Variants in CWC22 observed in about 807,000 individuals in gnomAD.
CWC22 encodes CWC22 spliceosome associated protein, also known as pre-mRNA-splicing factor CWC22 homolog.
A neutral mutation model predicts 117.2 loss-of-function variants in CWC22; 53 were observed. The observed-to-expected ratio is 0.45, with a 90% CI of 0.36 to 0.57. The LOEUF (loss-of-function observed/expected upper bound fraction) is 0.57, where lower values mean the gene tolerates loss of function less well. Ranked by LOEUF, CWC22 falls within the 20% of genes least tolerant of loss-of-function variation. The pLI is 0.00. For synonymous variants in CWC22, 360 were observed against 355.6 expected (o/e 1.01, Z -0.14); for missense variants, 980 against 1,068.8 (o/e 0.92, Z 1.16).
chr2:179,979,235 G>A (rs565731265), intron 5 of CWC22, among the ~76,000 whole-genome samples: 2 of 151,790 alleles, frequency 1.3e-5, no homozygotes, highest in South Asian at 4.2e-4. Context: ...TGAAACATGA[G>A]AAGAACAAAA....
chr2:179,954,919 T>C, intron 15 of CWC22, 38 bp downstream of exon 15: 1 of 1,140,876 alleles, frequency 8.8e-7, no homozygotes, highest in Non-Finnish European at 1.3e-6. Flanking sequence ...TTTACAATAT[T>C]CGTTTTAAGA....
chr2:179,965,564 G>A (rs557815738), intron 12 of CWC22, among the ~76,000 whole-genome samples: 1 of 152,280 alleles, frequency 6.6e-6, no homozygotes, highest in African/African-American at 2.4e-5. Flanking sequence ...GTTTTTCATT[G>A]TCTAGAATAT....
At chr2:179,960,291 C>T (rs1035049536) in intron 13 of CWC22, among the ~76,000 whole-genome samples, 1 of 151,898 alleles carries the variant, frequency 6.6e-6, no homozygotes, top group Non-Finnish European at 1.5e-5. Context: ...TCAAAGAGTG[C>T]TTCCCAATGC....
At chr2:179,956,864 T>G (rs561694114) in intron 14 of CWC22, among the ~76,000 whole-genome samples, 2 of 151,996 alleles carry the variant, frequency 1.3e-5, no homozygotes, top group East Asian at 3.8e-4. Flanking sequence ...AATATGCTGA[T>G]AGCACTGCTA....
At chr2:179,950,453 T>G in intron 19 of CWC22, 59 bp downstream of exon 19, 1 of 1,015,496 alleles carries the variant, frequency 9.8e-7, no homozygotes, top group Non-Finnish European at 1.5e-6. Flanking sequence ...TTCCTTCATA[T>G]ATATCAGCAA....
intron 4 of CWC22, among the ~76,000 whole-genome samples, chr2:179,982,697 C>T (rs1485251123): frequency 6.6e-6 from 1 of 152,188 alleles, no homozygotes; most frequent in Non-Finnish European, 1.5e-5. Context: ...AATGTCTTCC[C>T]TACTAACGTA....
chr2:179,971,252 A>G (rs1452792931), intron 8 of CWC22, among the ~76,000 whole-genome samples, 176 bp from the exon 9 acceptor site: 1 of 152,150 alleles, frequency 6.6e-6, no homozygotes, highest in African/African-American at 2.4e-5. Context: ...TTTTTCTATC[A>G]CTTTTATTAT....
chr2:179,967,539 A>C (rs1686922801), intron 11 of CWC22, among the ~76,000 whole-genome samples: 1 of 152,172 alleles, frequency 6.6e-6, no homozygotes, highest in Non-Finnish European at 1.5e-5. Flanking sequence ...TGGAGGTTAA[A>C]ACTTCTGTAA....
intron 1 of CWC22, among the ~76,000 whole-genome samples, chr2:180,004,055 G>A (rs1687910968): frequency 6.6e-6 from 1 of 152,132 alleles, no homozygotes; most frequent in South Asian, 2.1e-4. Context: ...ACCCTCCCAT[G>A]CTCAGATAAA....
Position 179,945,412 on chromosome 2 carries a change from T to C in CWC22, c.2444A>G (p.Lys815Arg). The C allele has an allele frequency of 6.2e-7, 1 of 1,613,318 alleles. No homozygotes were observed. Among genetic ancestry groups the C allele is most frequent in the Admixed American group, 1.7e-5 (1 of 60,006 alleles). Residue 815 changes from lysine to arginine, a missense_variant, in exon 20 of 20, where the codon AAG becomes AGG. Physicochemically the swap from Lys to Arg is conservative, Grantham distance 26 (BLOSUM62 2). Coordinates refer to ENST00000410053, the MANE Select transcript of CWC22 (RefSeq NM_020943.3). ...TCTCTTCTTTTTGGGATCACCATGC[T>C]TATTTTCCAAATCTATATGCATTTC... ...DQEMHIDLEN[K>R]HGDPKKKRGE...
intron 3 of CWC22, among the ~76,000 whole-genome samples, chr2:179,988,049 G>C (rs1447396743): frequency 6.6e-6 from 1 of 152,140 alleles, no homozygotes; most frequent in Non-Finnish European, 1.5e-5. Context: ...CACATGCACA[G>C]TTCACAAGAG....
chr2:180,001,394 C>T (rs1687847816), intron 1 of CWC22, among the ~76,000 whole-genome samples: 1 of 151,646 alleles, frequency 6.6e-6, no homozygotes, highest in Non-Finnish European at 1.5e-5. Context: ...GGCATGATCT[C>T]AGCTCATCAC....
intron 3 of CWC22, among the ~76,000 whole-genome samples, chr2:179,987,765 T>G (rs1687457822): frequency 6.6e-6 from 1 of 152,224 alleles, no homozygotes; most frequent in Non-Finnish European, 1.5e-5. Flanking sequence ...TGCTTAATGG[T>G]CTTTCAATGA....
intron 14 of CWC22, among the ~76,000 whole-genome samples, chr2:179,958,545 GT>G (rs536775668): frequency 8.4e-4 from 120 of 142,782 alleles, no homozygotes; most frequent in Middle Eastern, 3.6e-3. Context: ...AAAACATTAT[GT>G]TTTTTTTTTT....
At chr2:179,972,524 T>C (rs984863187) in intron 8 of CWC22, among the ~76,000 whole-genome samples, 2 of 152,166 alleles carry the variant, frequency 1.3e-5, no homozygotes, top group African/African-American at 4.8e-5. Context: ...GAATATCAGA[T>C]ATTTATTAGA....
chr2:179,996,514 G>C (rs1687703994), intron 1 of CWC22, among the ~76,000 whole-genome samples: 1 of 151,982 alleles, frequency 6.6e-6, no homozygotes, highest in African/African-American at 2.4e-5. Context: ...TTATATACAA[G>C]GAAATAACAA....
chr2:179,998,041 C>A (rs1355237358), intron 1 of CWC22, among the ~76,000 whole-genome samples: 1 of 152,096 alleles, frequency 6.6e-6, no homozygotes, highest in African/African-American at 2.4e-5. Flanking sequence ...AGAAAATGGG[C>A]AGAAAGTGTA....
chr2:180,003,929 T>A (rs918737391), intron 1 of CWC22, among the ~76,000 whole-genome samples: 7 of 152,212 alleles, frequency 4.6e-5, no homozygotes, highest in African/African-American at 1.7e-4. Flanking sequence ...TTGTACTTTG[T>A]TGTAGGTATT....
intron 4 of CWC22, among the ~76,000 whole-genome samples, chr2:179,983,967 T>C (rs1178952156): frequency 6.6e-6 from 1 of 152,172 alleles, no homozygotes; most frequent in East Asian, 1.9e-4. Flanking sequence ...TGTTTGTTCC[T>C]TTATAGTGCA....
Sources: allele counts gnomAD v4.1 joint callset (sites outside exome capture counted in the v4.1 genomes callset), GRCh38; gene constraint gnomAD v4.1.1; transcripts MANE v1.5; gene names NCBI Gene and HGNC (gene_info 2026-07-23, HGNC 2026-07-21).